CASZ1: variants seen among roughly 807,000 people sequenced by gnomAD.
CASZ1 encodes zinc finger protein castor homolog 1.
In CASZ1, 28 loss-of-function variants were observed where a neutral mutation model predicts 135.2. That is an observed-to-expected ratio of 0.21 (90% CI 0.15 to 0.28). The LOEUF is 0.28. Ranked by LOEUF, CASZ1 falls within the 10% of genes least tolerant of loss-of-function variation. The pLI, the probability that CASZ1 is intolerant of heterozygous loss-of-function variation, is 1.00. For missense variants in CASZ1, 2,161 were observed against 2,453.3 expected (o/e 0.88, Z 2.52); for synonymous variants, 1,068 against 1,073.4 (o/e 0.99, Z 0.10).
At position 10,755,410 on chromosome 1, in the gene CASZ1, GGC is replaced by G. The variant is rs1254785769; in HGVS notation, c.-77+5289_-77+5290del. On this transcript the variant is annotated intron_variant, in intron 2 of 20. Transcript: ENST00000377022. This position sits in a 1 kb window ranked among gnomAD's most constrained non-coding sequence, Gnocchi z 4.3. ...TCCAATGCCAGCCTCTCTCACTGTG[GGC>G]ACTCAGGGACAGAGGCAGGGCAGAG... Among the ~76,000 whole-genome samples the G allele has an allele frequency of 6.6e-6, 1 of 152,092 alleles. No homozygotes were observed. The highest frequency in any genetic ancestry group is 1.5e-5 in the Non-Finnish European group (1 of 68,000).
rs960134931 is a variant in CASZ1 at position 10,657,218 on chromosome 1, T to A, written c.1410-482A>T. ...AGCTATGAATTTTTAAAGCACAGCA[T>A]CTGTTTGGCTTCCTACAGCAACGAG... On this transcript the variant is annotated intron_variant, in intron 7 of 20. Coordinates refer to ENST00000377022, the MANE Select transcript of CASZ1 (RefSeq NM_001079843.3). This position sits in a 1 kb window ranked among gnomAD's most constrained non-coding sequence, Gnocchi z 5.7. 2.0e-5 allele frequency among the ~76,000 whole-genome samples: 3 copies of A among 152,214 alleles called. No individual in the cohort carries two copies. The highest frequency in any genetic ancestry group is 7.2e-5 in the African/African-American group (3 of 41,456).
intron 4 of CASZ1, among the ~76,000 whole-genome samples, chr1:10,670,063 G>A (rs1363783778): frequency 6.6e-6 from 1 of 152,226 alleles, no homozygotes; most frequent in African/African-American, 2.4e-5. Flanking sequence ...TGGGGAGGCA[G>A]GGGCCAGGAA....
chr1:10,743,980 T>G (rs1165567334), intron 2 of CASZ1, among the ~76,000 whole-genome samples: 3 of 152,070 alleles, frequency 2.0e-5, no homozygotes, highest in Non-Finnish European at 4.4e-5. Flanking sequence ...CACCCAACTA[T>G]CTAGCATATT....
At chr1:10,781,076 C>A (rs571074037) in intron 1 of CASZ1, among the ~76,000 whole-genome samples, 2 of 152,372 alleles carry the variant, frequency 1.3e-5, no homozygotes, top group East Asian at 3.9e-4. Context: ...TGTCTCCCCG[C>A]TCCCCTACTC....
At chr1:10,672,127 C>T (rs1158531567) in intron 4 of CASZ1, among the ~76,000 whole-genome samples, 1 of 152,116 alleles carries the variant, frequency 6.6e-6, no homozygotes, top group Non-Finnish European at 1.5e-5. Flanking sequence ...GCTCACCCGC[C>T]CGCCGCATCT....
chr1:10,782,327 G>A (rs912741824), intron 1 of CASZ1, among the ~76,000 whole-genome samples: 2 of 152,250 alleles, frequency 1.3e-5, no homozygotes, highest in Admixed American at 6.5e-5. Context: ...CTGTGGAATG[G>A]AGAATGATGG....
intron 1 of CASZ1, among the ~76,000 whole-genome samples, chr1:10,781,227 C>A (rs1386626242): frequency 6.6e-6 from 1 of 152,356 alleles, no homozygotes; most frequent in East Asian, 1.9e-4. Flanking sequence ...CAGGCCCAGG[C>A]CAGCCCCTCC....
At chr1:10,748,530 A>G (rs2076492) in intron 2 of CASZ1, among the ~76,000 whole-genome samples, 44,251 of 152,150 alleles carry the variant, frequency 0.29, 6,788 homozygotes, top group African/African-American at 0.39. Context: ...CTAAGCTTGC[A>G]GAGTGACGGC....
intron 1 of CASZ1, among the ~76,000 whole-genome samples, chr1:10,784,182 A>G (rs1207849056): frequency 6.6e-6 from 1 of 152,182 alleles, no homozygotes; most frequent in Non-Finnish European, 1.5e-5. Flanking sequence ...CAGCAGAATC[A>G]AAAGAGAAGA....
At chr1:10,687,002 T>G (rs1169314520) in intron 4 of CASZ1, among the ~76,000 whole-genome samples, 1 of 152,164 alleles carries the variant, frequency 6.6e-6, no homozygotes, top group Non-Finnish European at 1.5e-5. Context: ...AGGGAGGCAC[T>G]GGGCTAGAGG....
In CASZ1 at chr1:10,659,979, C is replaced by T; in HGVS notation, c.1063G>A (p.Gly355Ser). The stretch of plus-strand genomic sequence containing the variant: ...ATGGCCCCGCCCATGTCGGGGCTGC[C>T]CTCCCCGGGTTTGAAGAGGTGCAGG... ...KYLHLFKPGE[G>S]SPDMGGAIAF... The change falls in exon 6 of 21, where the codon GGC (glycine) becomes AGC (serine). Residue 355 changes from glycine to serine, a missense_variant. Around this residue, in one of 7 missense-constraint regions of CASZ1, gnomAD observed 590 missense variants for 609.8 expected, o/e 0.97. Transcript: ENST00000377022. 1 of 1,613,660 alleles carries T rather than the reference C, an allele frequency of 6.2e-7. No individual in the cohort carries two copies. The highest frequency in any genetic ancestry group is 1.1e-5 in the South Asian group (1 of 91,086).
At chr1:10,782,751 G>C (rs1011517150) in intron 1 of CASZ1, among the ~76,000 whole-genome samples, 16 of 152,214 alleles carry the variant, frequency 1.1e-4, no homozygotes, top group Non-Finnish European at 2.2e-4. Flanking sequence ...AAGGGGAGTG[G>C]GCCTGGTCAC....
At position 10,788,587 on chromosome 1, in the gene CASZ1, C is replaced by T. The variant is rs1247465741; in HGVS notation, c.-234+7977G>A. Among the ~76,000 whole-genome samples, 3 of 152,192 alleles carry T rather than the reference C, an allele frequency of 2.0e-5. No homozygotes were observed. Among genetic ancestry groups the T allele is most frequent in the Admixed American group, 1.3e-4 (2 of 15,288 alleles). ...GAAGAAGCACAGCCCAGAGACTGCC[C>T]GCCGTCAAACCAAGGCTCAGCAGTG... is the stretch of plus-strand genomic sequence containing the variant. On this transcript the variant is annotated intron_variant, in intron 1 of 20. Transcript: ENST00000377022. This position sits in a 1 kb window ranked among gnomAD's most constrained non-coding sequence, Gnocchi z 4.1.
chr1:10,750,783 C>T (rs1469550130), intron 2 of CASZ1, among the ~76,000 whole-genome samples: 1 of 152,094 alleles, frequency 6.6e-6, no homozygotes, highest in Non-Finnish European at 1.5e-5. Flanking sequence ...CCTGTAATCT[C>T]AGCTACTCAG....
At chr1:10,787,012 T>C (rs1640871386) in intron 1 of CASZ1, among the ~76,000 whole-genome samples, 1 of 152,214 alleles carries the variant, frequency 6.6e-6, no homozygotes, top group Admixed American at 6.5e-5. Flanking sequence ...TCCCCTGACC[T>C]TGGGGACACC....
intron 10 of CASZ1, 29 bp downstream of exon 10, chr1:10,654,390 A>G (rs1202502048): frequency 3.1e-6 from 5 of 1,607,266 alleles, no homozygotes; most frequent in Non-Finnish European, 4.3e-6. Context: ...GCTTCTGCCC[A>G]CGAAGGCCCC....
chr1:10,646,379 C>CT lies in CASZ1; in HGVS notation c.3498-54dup. On this transcript the variant is annotated intron_variant, in intron 16 of 20. Coordinates refer to ENST00000377022, the MANE Select transcript of CASZ1 (RefSeq NM_001079843.3). The surrounding 1 kb of genome is among the most constrained non-coding windows in gnomAD (Gnocchi z 6.4). ...CATTGCCATTCTCAAGCCCTCCCTG[C>CT]TGGTGTCCTGACTTCACTTGTGTTG... is the stretch of plus-strand genomic sequence containing the variant. The CT allele has an allele frequency of 6.4e-7, 1 of 1,566,030 alleles. No individual in the cohort carries two copies. Among genetic ancestry groups the CT allele is most frequent in the Non-Finnish European group, 8.7e-7 (1 of 1,142,998 alleles).
chr1:10,709,682 C>T lies in CASZ1; in HGVS notation c.-76-4138G>A, dbSNP rs1639247553. Reference sequence around the variant, plus strand: ...GAAAAGAAAGCGAATCAAAGTGCTGCCCGGAGGACGGCTGGGGAGAGAAAG... The same window carrying T: ...GAAAAGAAAGCGAATCAAAGTGCTGTCCGGAGGACGGCTGGGGAGAGAAAG... On this transcript the variant is annotated intron_variant, in intron 2 of 20. Transcript: ENST00000377022. The surrounding 1 kb of genome is among the most constrained non-coding windows in gnomAD (Gnocchi z 5.1). Among the ~76,000 whole-genome samples, 1 of 152,054 alleles carries T rather than the reference C, an allele frequency of 6.6e-6. No individual in the cohort carries two copies. The highest frequency in any genetic ancestry group is 2.4e-5 in the African/African-American group (1 of 41,372).
Position 10,720,579 on chromosome 1 carries a change from TG to T in CASZ1, c.-76-15036del, listed in dbSNP as rs1261920819. 3.9e-5 allele frequency among the ~76,000 whole-genome samples: 6 copies of T among 152,218 alleles called. No individual in the cohort carries two copies. Among genetic ancestry groups the T allele is most frequent in the African/African-American group, 1.4e-4 (6 of 41,466 alleles). On this transcript the variant is annotated intron_variant, in intron 2 of 20. Coordinates refer to ENST00000377022, the MANE Select transcript of CASZ1 (RefSeq NM_001079843.3). This position sits in a 1 kb window ranked among gnomAD's most constrained non-coding sequence, Gnocchi z 5.7. Reference sequence around the variant, plus strand: ...GCAGTCCCATTTGCCTATCAAAAACTGTACATTCGCTCGGCTTTCCACGGGA... The same window carrying T: ...GCAGTCCCATTTGCCTATCAAAAACTTACATTCGCTCGGCTTTCCACGGGA...
Sources: allele counts gnomAD v4.1 joint callset (sites outside exome capture counted in the v4.1 genomes callset), GRCh38; gene constraint gnomAD v4.1.1; regional missense constraint gnomAD v4.1.1; non-coding constraint Gnocchi (gnomAD v3.1); transcripts MANE v1.5; gene names NCBI Gene and HGNC (gene_info 2026-07-23, HGNC 2026-07-21).